SLCO4A1: variants seen among roughly 807,000 people sequenced by gnomAD.
SLCO4A1 encodes solute carrier organic anion transporter family member 4A1, also known as colon organic anion transporter.
In SLCO4A1, 51 loss-of-function variants were observed where a neutral mutation model predicts 64.6. The observed-to-expected ratio is 0.79, with a 90% confidence interval of 0.63 to 1.00. The LOEUF (loss-of-function observed/expected upper bound fraction) is 1.00. Among genes scored for constraint, SLCO4A1 ranks in the 50% least tolerant of loss-of-function variants. The pLI, the probability that SLCO4A1 is intolerant of heterozygous loss-of-function variation, is 0.00. For missense variants in SLCO4A1, 919 were observed against 980.5 expected (o/e 0.94, Z 0.84); for synonymous variants, 471 against 444.9 (o/e 1.06, Z -0.74).
downstream of SLCO4A1, among the ~76,000 whole-genome samples, chr20:62,688,881 C>T (rs963895315): frequency 2.0e-5 from 3 of 152,218 alleles, no homozygotes; most frequent in East Asian, 1.9e-4. Flanking sequence ...TAACATTTTC[C>T]GAGAAGCCCT....
Position 62,661,306 on chromosome 20 carries a change from C to A in SLCO4A1, c.1121+131C>A. The A allele has an allele frequency of 1.5e-6, 1 of 670,240 alleles. No homozygotes were observed. The highest frequency in any genetic ancestry group is 2.6e-6 in the Non-Finnish European group (1 of 378,024). The allele number at this position is 670,240 out of a possible 1,614,324, so 41.5% of individuals were successfully genotyped here. On this transcript the variant is annotated intron_variant, in intron 5 of 11. Transcript: ENST00000217159. This position sits in a 1 kb window ranked among gnomAD's most constrained non-coding sequence, Gnocchi z 5.2. ...CCCTAACCTCTGTCGTGACCCTGGGCCAAGAGATTAAGGAGCAACAGATAG... is the reference window on the plus strand; with the variant it reads ...CCCTAACCTCTGTCGTGACCCTGGGACAAGAGATTAAGGAGCAACAGATAG...
chr20:62,653,699 C>G (rs896355992), intron 1 of SLCO4A1, among the ~76,000 whole-genome samples: 6 of 152,232 alleles, frequency 3.9e-5, no homozygotes, highest in South Asian at 2.1e-4. Flanking sequence ...TCTGTCATCT[C>G]CCAAATTCGG....
intron 2 of SLCO4A1, among the ~76,000 whole-genome samples, chr20:62,683,562 C>T (rs1569157435): frequency 3.3e-5 from 5 of 152,170 alleles, no homozygotes; most frequent in Admixed American, 3.3e-4. Flanking sequence ...GGGTCCCGTA[C>T]AATATGAGAC....
chr20:62,669,686 G>A (rs6011529), intron 11 of SLCO4A1, among the ~76,000 whole-genome samples: 2,868 of 152,026 alleles, frequency 0.019, 88 homozygotes, highest in African/African-American at 0.065. Flanking sequence ...AATAAAATGC[G>A]GTCCCACGGC....
chr20:62,664,974 C>T lies in SLCO4A1; in HGVS notation c.1162C>T (p.Leu388Phe). ...GCTGAAGAACCCCACGTTCATCCTGCTCTGCCTGGCCGGGGCCACCGAGGC... is the reference window on the plus strand; with the variant it reads ...GCTGAAGAACCCCACGTTCATCCTGTTCTGCCTGGCCGGGGCCACCGAGGC... The part of the protein sequence containing the change: ...LLLKNPTFIL[L>F]CLAGATEATL... Residue 388 changes from leucine (L) to phenylalanine (F), a missense_variant, in exon 6 of 12, where the codon CTC (leucine) becomes TTC (phenylalanine). Leu to Phe is a conservative substitution (Grantham distance 22). Coordinates refer to ENST00000217159, the MANE Select transcript of SLCO4A1 (RefSeq NM_016354.4). 5.0e-6 allele frequency: 8 copies of T among 1,613,486 alleles called. No homozygotes were observed. Among genetic ancestry groups the T allele is most frequent in the Non-Finnish European group, 6.8e-6 (8 of 1,179,714 alleles).
downstream of SLCO4A1, among the ~76,000 whole-genome samples, chr20:62,676,149 G>A (rs1036515777): frequency 2.6e-5 from 4 of 152,130 alleles, no homozygotes; most frequent in South Asian, 2.1e-4. Flanking sequence ...GCTCGCCAGC[G>A]CACGCCTATA....
chr20:62,679,703 G>A (rs1987743691), intron 2 of SLCO4A1, among the ~76,000 whole-genome samples: 1 of 152,088 alleles, frequency 6.6e-6, no homozygotes, highest in Admixed American at 6.5e-5. Flanking sequence ...CTGCACAATA[G>A]CTTAAAAAAT....
chr20:62,672,307 C>T (rs960659836), downstream of SLCO4A1: 173 of 1,074,402 alleles, frequency 1.6e-4, no homozygotes, highest in African/African-American at 2.6e-3. Flanking sequence ...CCCCGTACCG[C>T]GTGCTTTATT....
intron 1 of SLCO4A1, among the ~76,000 whole-genome samples, chr20:62,652,871 C>T (rs945170384): frequency 6.6e-5 from 10 of 152,226 alleles, no homozygotes; most frequent in African/African-American, 1.9e-4. Flanking sequence ...AGCGGCTGCA[C>T]GTGAGTGCCA....
downstream of SLCO4A1, among the ~76,000 whole-genome samples, chr20:62,687,371 A>C (rs1336006298): frequency 2.0e-5 from 3 of 152,364 alleles, no homozygotes; most frequent in African/African-American, 7.2e-5. Flanking sequence ...GTGGAGGAAG[A>C]GCCATCTGAG....
At chr20:62,652,535 G>A (rs1213136258) in intron 1 of SLCO4A1, among the ~76,000 whole-genome samples, 2 of 152,224 alleles carry the variant, frequency 1.3e-5, no homozygotes, top group African/African-American at 2.4e-5. Context: ...CTCCTGGGAC[G>A]TCATCCTTGT....
At chr20:62,666,640 A>T (rs1986400905) in intron 7 of SLCO4A1, 65 bp downstream of exon 7, 2 of 1,396,260 alleles carry the variant, frequency 1.4e-6, no homozygotes, top group African/African-American at 1.4e-5. Context: ...CTGGGCATGG[A>T]GGAGGAGTGG....
intron 1 of SLCO4A1, among the ~76,000 whole-genome samples, chr20:62,653,283 C>T (rs1982958453): frequency 6.6e-6 from 1 of 152,162 alleles, no homozygotes; most frequent in Non-Finnish European, 1.5e-5. Flanking sequence ...GGGCTCAATC[C>T]TGAGATCCCT....
chr20:62,670,720 C>T (rs747620818), intron 11 of SLCO4A1, among the ~76,000 whole-genome samples: 4 of 152,254 alleles, frequency 2.6e-5, no homozygotes, highest in Non-Finnish European at 5.9e-5. Context: ...CCCCTGGGCT[C>T]AGCACAGCCA....
intron 9 of SLCO4A1, 113 bp from the exon 10 acceptor site, chr20:62,668,364 G>A: frequency 9.1e-7 from 1 of 1,094,828 alleles, no homozygotes; most frequent in Non-Finnish European, 1.3e-6. Context: ...CTTCCCACTT[G>A]GGGGGGGGTG....
chr20:62,686,751 G>T (rs1404637999), downstream of SLCO4A1, among the ~76,000 whole-genome samples: 1 of 152,244 alleles, frequency 6.6e-6, no homozygotes, highest in Non-Finnish European at 1.5e-5. Flanking sequence ...ACGGTGCAGA[G>T]ACAGGAAGAG....
downstream of SLCO4A1, among the ~76,000 whole-genome samples, chr20:62,676,475 A>C (rs1987599935): frequency 6.6e-6 from 1 of 152,234 alleles, no homozygotes; most frequent in South Asian, 2.1e-4. Flanking sequence ...GATCCAATTT[A>C]AAAATGGGCA....
intron 11 of SLCO4A1, 66 bp downstream of exon 11, chr20:62,669,144 G>A (rs761117776): frequency 2.3e-5 from 34 of 1,501,648 alleles, no homozygotes; most frequent in East Asian, 4.5e-5. Flanking sequence ...CGAACATGCC[G>A]CGATCTTCCA....
At chr20:62,680,066 G>A (rs2147115091) in intron 2 of SLCO4A1, among the ~76,000 whole-genome samples, 1 of 152,324 alleles carries the variant, frequency 6.6e-6, no homozygotes, top group East Asian at 1.9e-4. Context: ...CGAGATTTGG[G>A]CTGATGGGGT....
Sources: gnomAD v4.1 joint callset for allele counts (sites outside exome capture counted in the v4.1 genomes callset) on GRCh38, gnomAD v4.1.1 for gene constraint, Gnocchi (gnomAD v3.1) non-coding constraint, MANE v1.5 for transcripts, NCBI Gene and HGNC (gene_info 2026-07-23, HGNC 2026-07-21) for gene names.